Variants in STMN3 observed in about 807,000 individuals in gnomAD.
STMN3 encodes the protein stathmin 3, also known as stathmin-3.
Under a neutral mutation model 23.2 loss-of-function variants are expected in STMN3, and 24 were observed. The observed-to-expected ratio is 1.03, with a 90% CI of 0.75 to 1.45. The LOEUF (loss-of-function observed/expected upper bound fraction) is 1.45. Among genes scored for constraint, STMN3 ranks in the 40% most tolerant of loss-of-function variants. The probability of loss-of-function intolerance (pLI) is 0.00; values close to 1 mark genes in which losing one functional copy is unlikely to be tolerated. For missense variants in STMN3, 235 were observed against 237.6 expected, an observed-to-expected ratio of 0.99 and a Z score of 0.07; for synonymous variants, 117 against 103.4, an observed-to-expected ratio of 1.13 and a Z score of -0.80.
intron 1 of STMN3, among the ~76,000 whole-genome samples, chr20:63,647,993 C>CAGAG (rs1555897562): frequency 2.3e-5 from 2 of 87,080 alleles, no homozygotes; most frequent in Admixed American, 1.2e-4. Context: ...TATATATATA[C>CAGAG]AGAGAGAGAG....
Position 63,652,544 on chromosome 20 carries a change from A to C in STMN3, c.19+783T>G. 2 of 981,746 alleles carry C rather than the reference A, an allele frequency of 2.0e-6. No individual in the cohort carries two copies. The highest frequency in any genetic ancestry group is 4.7e-5 in the South Asian group (1 of 21,216). 60.8% of individuals were successfully genotyped at this position (981,746 alleles called of 1,614,324 possible). The stretch of plus-strand genomic sequence containing the variant: ...CCCCTCCGCCTGAGCTCCGCGCGGG[A>C]CGGGCCGGGAGGCCGGGGTGGGCGC... On this transcript the variant is annotated intron_variant, in intron 1 of 4. Transcript: ENST00000370053. The surrounding 1 kb of genome is among the most constrained non-coding windows in gnomAD (Gnocchi z 5.3).
At chr20:63,650,311 T>C (rs1284920002) in intron 1 of STMN3, among the ~76,000 whole-genome samples, 1 of 152,168 alleles carries the variant, frequency 6.6e-6, no homozygotes, top group Admixed American at 6.5e-5. Flanking sequence ...TACTAAACAT[T>C]AGATACCGAG....
At chr20:63,643,711 C>G (rs1057377734) in intron 3 of STMN3, 45 bp downstream of exon 3, 1 of 1,487,598 alleles carries the variant, frequency 6.7e-7, no homozygotes, top group African/African-American at 1.4e-5. Flanking sequence ...CCGTGGGCCG[C>G]CTCCGTTGAA....
chr20:63,641,775 G>T (rs1377845082), intron 4 of STMN3, among the ~76,000 whole-genome samples: 1 of 146,818 alleles, frequency 6.8e-6, no homozygotes, highest in South Asian at 2.2e-4. Context: ...AGGAGCCCCC[G>T]ACCCCCACCC....
chr20:63,652,742 G>A lies in STMN3; in HGVS notation c.19+585C>T. On this transcript the variant is annotated intron_variant, in intron 1 of 4. Coordinates refer to ENST00000370053, the MANE Select transcript of STMN3 (RefSeq NM_015894.4). This position sits in a 1 kb window ranked among gnomAD's most constrained non-coding sequence, Gnocchi z 5.3. ...GCAGGTGGCGCGGGCGTCGCAAAGG[G>A]TGGTCCCCGAGGCCGCAGCGGTGTG... 2 of 985,922 alleles carry A rather than the reference G, an allele frequency of 2.0e-6. No individual in the cohort carries two copies. The highest frequency in any genetic ancestry group is 9.4e-5 in the South Asian group (2 of 21,290). The allele number at this position is 985,922 out of a possible 1,614,324, so 61.1% of individuals were successfully genotyped here.
intron 4 of STMN3, 144 bp downstream of exon 4, chr20:63,641,964 C>CTG (rs2089769858): frequency 3.9e-5 from 5 of 127,542 alleles, no homozygotes; most frequent in Non-Finnish European, 6.7e-5. Flanking sequence ...CGAGCTCCGC[C>CTG]CTGGCCCCGC....
In STMN3 at chr20:63,642,170, CCATCTTGTAGTTGAGCTT is replaced by C. The variant is rs1361512161; in HGVS notation, c.403_420del (p.Lys135_Met140del). Reference sequence around the variant, plus strand: ...GCCTCGCGGATCTCCTTGCTGAGCTCCATCTTGTAGTTGAGCTTCTCCTCCGCCTGGCGGCTGAAGTTG... The same window carrying C: ...GCCTCGCGGATCTCCTTGCTGAGCTCCTCCTCCGCCTGGCGGCTGAAGTTG... On this transcript the variant is annotated inframe_deletion, in exon 4 of 5. Transcript: ENST00000370053. The C allele has an allele frequency of 6.4e-7, 1 of 1,557,710 alleles. No homozygotes were observed. Among genetic ancestry groups the C allele is most frequent in the Admixed American group, 1.9e-5 (1 of 53,056 alleles).
intron 1 of STMN3, among the ~76,000 whole-genome samples, chr20:63,650,152 G>A (rs147522398): frequency 1.6e-5 from 2 of 125,770 alleles, no homozygotes; most frequent in South Asian, 2.7e-4. Context: ...GATTACAGGC[G>A]TGAGCCCCCG....
At chr20:63,649,030 G>A (rs1437120108) in intron 1 of STMN3, among the ~76,000 whole-genome samples, 5 of 152,134 alleles carry the variant, frequency 3.3e-5, no homozygotes, top group Admixed American at 1.3e-4. Context: ...CAGGAGACAC[G>A]TGTCCAACTG....
intron 1 of STMN3, among the ~76,000 whole-genome samples, chr20:63,645,638 C>T (rs979520022): frequency 3.9e-5 from 6 of 152,184 alleles, no homozygotes; most frequent in African/African-American, 1.4e-4. Context: ...CACGCTGGCC[C>T]GGTTTCTCAC....
chr20:63,640,294 G>C lies in STMN3; in HGVS notation c.*1044C>G, dbSNP rs180886995. Reference sequence around the variant, plus strand: ...GGAAAGAAGGAACTCAGCCCAGAGGGTGTGGGCAGGAGAGGCCTGGAGTCA... The same window carrying C: ...GGAAAGAAGGAACTCAGCCCAGAGGCTGTGGGCAGGAGAGGCCTGGAGTCA... On this transcript the variant is annotated 3_prime_UTR_variant, in exon 5 of 5. Transcript: ENST00000370053. 2 of 152,600 alleles carry C rather than the reference G, an allele frequency of 1.3e-5. No homozygotes were observed. 9.5% of individuals were successfully genotyped at this position (152,600 alleles called of 1,614,324 possible).
intron 1 of STMN3, among the ~76,000 whole-genome samples, chr20:63,649,399 G>C (rs2089840543): frequency 6.6e-6 from 1 of 152,174 alleles, no homozygotes; most frequent in South Asian, 2.1e-4. Context: ...GAGGCTTAAA[G>C]AGCATGTCTA....
rs1300382866 is a variant in STMN3, at chr20:63,641,430, G to T, written c.484-33C>A. On this transcript the variant is annotated intron_variant, in intron 4 of 4. Transcript: ENST00000370053. ...ACAGGGGGCGGGAGGGCCTGAGGGC[G>T]GGGGTGGCTTGGGGCGACTCCGGGA... 1.9e-6 allele frequency: 3 copies of T among 1,540,588 alleles called. No individual in the cohort carries two copies. In the South Asian group the frequency reaches 3.6e-5, roughly 18 times the overall value.
intron 3 of STMN3, among the ~76,000 whole-genome samples, chr20:63,642,770 G>A (rs1361179481): frequency 6.6e-6 from 1 of 152,160 alleles, no homozygotes; most frequent in East Asian, 1.9e-4. Flanking sequence ...AGGAGCGGAG[G>A]GTCCCCAGGG....
intron 1 of STMN3, among the ~76,000 whole-genome samples, chr20:63,650,793 A>G (rs1372294411): frequency 1.1e-3 from 28 of 24,600 alleles, no homozygotes; most frequent in East Asian, 2.8e-3. Flanking sequence ...GATGGTGCCC[A>G]CTCCCAGGGT....
At position 63,653,298 on chromosome 20, in the gene STMN3, C is replaced by A. The variant is rs1421544011; in HGVS notation, c.19+29G>T. 10 of 1,544,622 alleles carry A rather than the reference C, an allele frequency of 6.5e-6. No homozygotes were observed. In the African/African-American group the frequency reaches 1.1e-4, roughly 17 times the overall value. On this transcript the variant is annotated intron_variant, in intron 1 of 4. Transcript: ENST00000370053. ...GAGGCCTCTGCTCAGATCCCGCCGC[C>A]CCACAAAGCCCGTGGCCCCGGAGCC...
chr20:63,641,336 C>T lies in STMN3; in HGVS notation c.*2G>A. On this transcript the variant is annotated 3_prime_UTR_variant, in exon 5 of 5. Coordinates refer to ENST00000370053, the MANE Select transcript of STMN3 (RefSeq NM_015894.4). ...AGGATGGGCGCCGCCCGTCCCGGGC[C>T]CTTAGCCCGACATCTCTTCTCGCTG... is the stretch of plus-strand genomic sequence containing the variant. 1.3e-6 allele frequency: 2 copies of T among 1,563,696 alleles called. No individual in the cohort carries two copies. Among genetic ancestry groups the T allele is most frequent in the Non-Finnish European group, 1.7e-6 (2 of 1,154,938 alleles).
At chr20:63,648,033 C>A (rs2089832338) in intron 1 of STMN3, among the ~76,000 whole-genome samples, 1 of 136,148 alleles carries the variant, frequency 7.3e-6, no homozygotes, top group African/African-American at 2.8e-5. Flanking sequence ...CTGTCTTGTC[C>A]AGGCTGATCT....
chr20:63,643,954 A>G, intron 2 of STMN3, 23 bp from the exon 3 acceptor site: 1 of 1,586,830 alleles, frequency 6.3e-7, no homozygotes, highest in Non-Finnish European at 8.5e-7. Flanking sequence ...ACCAGAGTAG[A>G]GCTTCAGAGG....
Sources: allele counts gnomAD v4.1 joint callset (sites outside exome capture counted in the v4.1 genomes callset), GRCh38; gene constraint gnomAD v4.1.1; non-coding constraint Gnocchi (gnomAD v3.1); transcripts MANE v1.5; gene names NCBI Gene and HGNC (gene_info 2026-07-23, HGNC 2026-07-21).